The following SPAST variants were observed in gnomAD, a reference collection of about 807,000 sequenced individuals.
SPAST encodes spastin.
A neutral mutation model predicts 76.6 loss-of-function variants in SPAST; 30 were observed. The observed-to-expected ratio is 0.39, with a 90% CI of 0.29 to 0.53. The LOEUF (loss-of-function observed/expected upper bound fraction) is 0.53, where lower values mean the gene tolerates loss of function less well. SPAST is among the 20% of genes least tolerant of loss of function. The probability of loss-of-function intolerance (pLI) is 0.68; values close to 1 mark genes in which losing one functional copy is unlikely to be tolerated. For synonymous variants in SPAST, 305 were observed against 281.0 expected (o/e 1.09, Z -0.86); for missense variants, 717 against 770.5 (o/e 0.93, Z 0.82).
chr2:32,100,625 G>T (rs938424522), intron 4 of SPAST, among the ~76,000 whole-genome samples: 3 of 151,156 alleles, frequency 2.0e-5, no homozygotes, highest in African/African-American at 7.3e-5. Flanking sequence ...CTCACCCCAC[G>T]ACAGGCCCCA....
intron 7 of SPAST, among the ~76,000 whole-genome samples, chr2:32,124,405 T>C (rs1679124432): frequency 6.6e-6 from 1 of 152,184 alleles, no homozygotes; most frequent in African/African-American, 2.4e-5. Context: ...GCAGAAACTT[T>C]AATTCATTGC....
intron 9 of SPAST, among the ~76,000 whole-genome samples, chr2:32,134,856 C>T (rs188067254): frequency 0.01 from 1,528 of 149,690 alleles, 18 homozygotes; most frequent in Middle Eastern, 0.06. Flanking sequence ...CCACCACGCC[C>T]GGCTAATTTT....
chr2:32,098,939 T>TA (rs761456913), intron 4 of SPAST, 48 bp downstream of exon 4: 4 of 1,239,784 alleles, frequency 3.2e-6, no homozygotes, highest in Non-Finnish European at 3.6e-6. Context: ...GCATGCAAAG[T>TA]AAGAGTCTTA....
chr2:32,126,670 A>G, intron 7 of SPAST: 1 of 241,538 alleles, frequency 4.1e-6, no homozygotes. Flanking sequence ...AATTTTTTGT[A>G]GAAGCAGAGT....
At chr2:32,071,651 G>C (rs569948140) in intron 1 of SPAST, among the ~76,000 whole-genome samples, 1 of 152,286 alleles carries the variant, frequency 6.6e-6, no homozygotes, top group African/African-American at 2.4e-5. Context: ...GGAAAGGCAG[G>C]AAAACTAGAA....
rs1015525099 is a variant in SPAST at position 32,125,190 on chromosome 2, T to TA, written c.1099-1749dup. ...CAATTTTCTGTAAACCTAAAATCAC[T>TA]AAAAAAAAAGTTTATTTTTATTTTT... On this transcript the variant is annotated intron_variant, in intron 7 of 16. Transcript: ENST00000315285. 4.2e-4 allele frequency among the ~76,000 whole-genome samples: 64 copies of TA among 151,116 alleles called. No individual in the cohort carries two copies. In the Middle Eastern group the frequency reaches 0.01, roughly 24 times the overall value.
intron 13 of SPAST, 75 bp from the exon 14 acceptor site, chr2:32,143,261 T>C (rs1341930932): frequency 1.1e-6 from 1 of 888,374 alleles, no homozygotes; most frequent in South Asian, 1.4e-5. Context: ...CACAAGACCC[T>C]GTCTCAATAT....
chr2:32,134,104 T>C (rs1679457474), intron 9 of SPAST, among the ~76,000 whole-genome samples: 1 of 152,206 alleles, frequency 6.6e-6, no homozygotes, highest in Non-Finnish European at 1.5e-5. Context: ...GGCGTGATCA[T>C]GGCTCACTGC....
At chr2:32,115,176 G>A (rs1208867734) in intron 5 of SPAST, among the ~76,000 whole-genome samples, 1 of 151,778 alleles carries the variant, frequency 6.6e-6, no homozygotes, top group Non-Finnish European at 1.5e-5. Context: ...TCAAACTCCC[G>A]ACCTCAGGTG....
intron 9 of SPAST, among the ~76,000 whole-genome samples, chr2:32,135,647 T>C (rs141831340): frequency 1.1e-4 from 16 of 152,126 alleles, no homozygotes; most frequent in African/African-American, 3.9e-4. Flanking sequence ...TTCTGGACTA[T>C]CTGGAAATAT....
chr2:32,106,159 G>C (rs999304009), intron 4 of SPAST, among the ~76,000 whole-genome samples: 1 of 152,152 alleles, frequency 6.6e-6, no homozygotes, highest in Non-Finnish European at 1.5e-5. Context: ...CCTCAGCAAT[G>C]GCAGATGCCC....
At chr2:32,145,853 A>G (rs778778006) in intron 15 of SPAST, among the ~76,000 whole-genome samples, 8 of 152,358 alleles carry the variant, frequency 5.3e-5, no homozygotes, top group Non-Finnish European at 1.0e-4. Context: ...ATTATTAGCT[A>G]TGATGATAAA....
At chr2:32,110,104 G>GTTTTTTTTTTTTTT (rs200943358) in intron 4 of SPAST, among the ~76,000 whole-genome samples, 2 of 135,494 alleles carry the variant, frequency 1.5e-5, no homozygotes, top group African/African-American at 5.5e-5. Flanking sequence ...AGTTTTTTTT[G>GTTTTTTTTTTTTTT]TTTTTTTTTT....
chr2:32,078,538 T>A (rs1168056662), intron 1 of SPAST, among the ~76,000 whole-genome samples: 1 of 152,150 alleles, frequency 6.6e-6, no homozygotes, highest in East Asian at 1.9e-4. Flanking sequence ...TAGTCCCAGC[T>A]ACTCAGAAGG....
intron 1 of SPAST, among the ~76,000 whole-genome samples, chr2:32,082,336 C>G (rs1251547638): frequency 1.3e-5 from 2 of 151,830 alleles, no homozygotes; most frequent in Non-Finnish European, 2.9e-5. Context: ...AATTTTAGTG[C>G]TGATGTTATA....
chr2:32,127,578 T>C (rs1308310143), intron 8 of SPAST: 4 of 154,028 alleles, frequency 2.6e-5, no homozygotes, highest in East Asian at 1.9e-4. Flanking sequence ...TACCTTACTA[T>C]ATTGAGTATC....
chr2:32,077,050 A>G (rs1426638708), intron 1 of SPAST, among the ~76,000 whole-genome samples: 2 of 151,830 alleles, frequency 1.3e-5, no homozygotes, highest in Non-Finnish European at 1.5e-5. Context: ...TAATTTTTGT[A>G]TTTTTAGTAG....
At chr2:32,153,826 C>T (rs1680165595) in intron 16 of SPAST, among the ~76,000 whole-genome samples, 1 of 151,974 alleles carries the variant, frequency 6.6e-6, no homozygotes. Context: ...TCTGTAATCC[C>T]AGCACTTTGG....
chr2:32,122,090 C>G (rs929076960), intron 7 of SPAST, among the ~76,000 whole-genome samples: 1 of 152,010 alleles, frequency 6.6e-6, no homozygotes, highest in African/African-American at 2.4e-5. Flanking sequence ...TAGTGAGAGC[C>G]CATTAATCAC....
Sources: gnomAD v4.1 joint callset for allele counts (sites outside exome capture counted in the v4.1 genomes callset) on GRCh38, gnomAD v4.1.1 for gene constraint, MANE v1.5 for transcripts, NCBI Gene and HGNC (gene_info 2026-07-23, HGNC 2026-07-21) for gene names.